RHBG: variants seen among roughly 807,000 people sequenced by gnomAD.
RHBG encodes the protein Rh family B glycoprotein, also known as ammonium transporter Rh type B.
A neutral mutation model predicts 40.1 loss-of-function variants in RHBG; 39 were observed. The observed-to-expected ratio is 0.97, with a 90% CI of 0.75 to 1.27. The LOEUF is 1.27. Among genes scored for constraint, RHBG ranks in the 50% most tolerant of loss-of-function variants. RHBG has a pLI of 0.00. For missense variants in RHBG, 549 were observed against 588.1 expected, an observed-to-expected ratio of 0.93 and a Z score of 0.69; for synonymous variants, 237 against 252.5, an observed-to-expected ratio of 0.94 and a Z score of 0.58.
Position 156,381,869 on chromosome 1 carries a change from C to T in RHBG, c.904C>T (p.Leu302=), listed in dbSNP as rs1667664591. The change falls in exon 6 of 10, where the codon CTG becomes TTG. Residue 302 remains leucine, a synonymous_variant. Transcript: ENST00000537040. ...GGTGGGGACCTCAAGTGAAATGATG[C>T]TGACACCCTTTGGGGCTCTGGCAGC... ...VVVGTSSEMM[L]TPFGALAAGF... is the part of the protein sequence containing the mutation. 4 of 1,602,104 alleles carry T rather than the reference C, an allele frequency of 2.5e-6. No homozygotes were observed. Among genetic ancestry groups the T allele is most frequent in the East Asian group, 2.2e-5 (1 of 44,834 alleles).
rs377295455 is a variant in RHBG, at chr1:156,381,298, G to A, written c.674-49G>A. 100 of 1,593,694 alleles carry A rather than the reference G, an allele frequency of 6.3e-5. No homozygotes were observed. The South Asian group carries it at 6.3e-4, about 10-fold the overall frequency. On this transcript the variant is annotated intron_variant, in intron 4 of 9. Transcript: ENST00000537040. ...TGCAGTTATACAACTTGTACCTTGC[G>A]TGGGAGTCACTTCCTTCTTCTCACT... is the stretch of plus-strand genomic sequence containing the variant.
rs1331050811 is a variant in RHBG at position 156,378,411 on chromosome 1, G to A, written c.673+12G>A. 3.2e-6 allele frequency: 5 copies of A among 1,582,948 alleles called. No individual in the cohort carries two copies. The highest frequency in any genetic ancestry group is 1.2e-5 in the South Asian group (1 of 85,704). The stretch of plus-strand genomic sequence containing the variant: ...CTTCGCCATGATTGGTGAGGCCTTC[G>A]AGGTGCGGTAGCAGGGCAGGGGGCT... On this transcript the variant is annotated intron_variant, in intron 4 of 9. Coordinates refer to ENST00000537040, the MANE Select transcript of RHBG (RefSeq NM_020407.5).
At chr1:156,382,703 T>C in intron 7 of RHBG, 45 bp from the exon 8 acceptor site, 1 of 1,609,834 alleles carries the variant, frequency 6.2e-7, no homozygotes, top group South Asian at 1.1e-5. Flanking sequence ...GCTGCATCCC[T>C]CTCTCTCCCT....
Position 156,385,120 on chromosome 1 carries a change from CA to C in RHBG, c.*278del, listed in dbSNP as rs1052908226. 2.7e-6 allele frequency: 1 copy of C among 371,266 alleles called. No homozygotes were observed. The highest frequency in any genetic ancestry group is 5.0e-6 in the Non-Finnish European group (1 of 200,202). 23.0% of individuals were successfully genotyped at this position (371,266 alleles called of 1,614,324 possible). On this transcript the variant is annotated 3_prime_UTR_variant, in exon 10 of 10. Coordinates refer to ENST00000537040, the MANE Select transcript of RHBG (RefSeq NM_020407.5). ...CAGCCTGCACATGGGTAGAAGAGGC[CA>C]AATTGAGGCACCCAAGTGATCCACT... is the stretch of plus-strand genomic sequence containing the variant.
intron 5 of RHBG, 133 bp downstream of exon 5, chr1:156,381,646 G>A: frequency 1.4e-6 from 2 of 1,380,296 alleles, no homozygotes; most frequent in Middle Eastern, 2.6e-4. Context: ...TGTGCTGGTG[G>A]CTATGGGATC....
chr1:156,385,026 G>A lies in RHBG; in HGVS notation c.*181G>A, dbSNP rs1667951094. 1.8e-6 allele frequency: 1 copy of A among 569,032 alleles called. No homozygotes were observed. Among genetic ancestry groups the A allele is most frequent in the Admixed American group, 3.0e-5 (1 of 33,454 alleles). The allele number at this position is 569,032 out of a possible 1,614,324, so 35.2% of individuals were successfully genotyped here. On this transcript the variant is annotated 3_prime_UTR_variant, in exon 10 of 10. Transcript: ENST00000537040. ...AGGGGCAACAGGAGGCTGGGAAATG[G>A]TGGGGAGTGGGGCCGTAACTGGGTA...
intron 4 of RHBG, among the ~76,000 whole-genome samples, chr1:156,378,779 C>T (rs1055341027): frequency 6.6e-6 from 1 of 152,146 alleles, no homozygotes; most frequent in Non-Finnish European, 1.5e-5. Flanking sequence ...CACCTCCAGG[C>T]CTTTGCCTGT....
intron 4 of RHBG, among the ~76,000 whole-genome samples, chr1:156,379,296 A>G (rs1322760599): frequency 2.0e-5 from 3 of 151,982 alleles, no homozygotes; most frequent in Non-Finnish European, 4.4e-5. Flanking sequence ...ACGCCCGGCT[A>G]CCACCACCTG....
intron 8 of RHBG, 48 bp downstream of exon 8, chr1:156,382,917 G>A (rs1667766034): frequency 1.2e-6 from 2 of 1,611,532 alleles, no homozygotes; most frequent in African/African-American, 2.7e-5. Context: ...GATCCTATAA[G>A]CCTGACATGA....
At position 156,377,560 on chromosome 1, in the gene RHBG, C is replaced by A. The variant is rs1401834269; in HGVS notation, c.374+73C>A. The A allele has an allele frequency of 2.0e-6, 3 of 1,470,548 alleles. No homozygotes were observed. The highest frequency in any genetic ancestry group is 1.8e-6 in the Non-Finnish European group (2 of 1,083,324). The allele number at this position is 1,470,548 out of a possible 1,614,324, so 91.1% of individuals were successfully genotyped here. On this transcript the variant is annotated intron_variant, in intron 2 of 9. Coordinates refer to ENST00000537040, the MANE Select transcript of RHBG (RefSeq NM_020407.5). The surrounding 1 kb of genome is among the most constrained non-coding windows in gnomAD (Gnocchi z 4.6). ...CCCTGCCCATGGGCCCCGGATCTAG[C>A]CCTGTCCTTCAAGTCTGCTTCCTGA...
rs1454023084 is a variant in RHBG at position 156,384,947 on chromosome 1, G to A, written c.*102G>A. 2 of 739,224 alleles carry A rather than the reference G, an allele frequency of 2.7e-6. No individual in the cohort carries two copies. The highest frequency in any genetic ancestry group is 2.7e-5 in the East Asian group (1 of 36,526). 45.8% of individuals were successfully genotyped at this position (739,224 alleles called of 1,614,324 possible). On this transcript the variant is annotated 3_prime_UTR_variant, in exon 10 of 10. Transcript: ENST00000537040. ...CTCCCATTCCTCCAGCTGCAAGAAGGGAGCCATGAGCCAGAAGGAGGCCCC... is the reference window on the plus strand; with the variant it reads ...CTCCCATTCCTCCAGCTGCAAGAAGAGAGCCATGAGCCAGAAGGAGGCCCC...
Position 156,384,926 on chromosome 1 carries a change from C to T in RHBG, c.*81C>T, listed in dbSNP as rs1667944584. The T allele has an allele frequency of 3.4e-6, 3 of 878,146 alleles. No individual in the cohort carries two copies. Among genetic ancestry groups the T allele is most frequent in the Non-Finnish European group, 5.4e-6 (3 of 552,090 alleles). The allele number at this position is 878,146 out of a possible 1,614,324, so 54.4% of individuals were successfully genotyped here. ...TACTAGGAAGTTCTTTTTGAGCTCC[C>T]ATTCCTCCAGCTGCAAGAAGGGAGC... On this transcript the variant is annotated 3_prime_UTR_variant, in exon 10 of 10. Coordinates refer to ENST00000537040, the MANE Select transcript of RHBG (RefSeq NM_020407.5).
chr1:156,383,706 T>C (rs1160326443), intron 8 of RHBG, among the ~76,000 whole-genome samples: 1 of 151,728 alleles, frequency 6.6e-6, no homozygotes, highest in Non-Finnish European at 1.5e-5. Context: ...ATTTTGTATT[T>C]TTAGTAGAGA....
Position 156,384,893 on chromosome 1 carries a change from C to A in RHBG, c.*48C>A. On this transcript the variant is annotated 3_prime_UTR_variant, in exon 10 of 10. Transcript: ENST00000537040. ...ACACGCTCCTTTTCGAAGATGCTGA[C>A]TGGCTGCTACTAGGAAGTTCTTTTT... 2.4e-6 allele frequency: 3 copies of A among 1,247,362 alleles called. No individual in the cohort carries two copies. Among genetic ancestry groups the A allele is most frequent in the Non-Finnish European group, 2.3e-6 (2 of 868,106 alleles). The allele number at this position is 1,247,362 out of a possible 1,614,324, so 77.3% of individuals were successfully genotyped here. A position where few individuals can be genotyped will look rare whatever the true frequency, so the allele number is the denominator to read the frequency against.
chr1:156,378,318 C>T lies in RHBG; in HGVS notation c.592C>T (p.Arg198Trp), dbSNP rs368582633. The T allele has an allele frequency of 2.1e-5, 34 of 1,613,924 alleles. No homozygotes were observed. The highest frequency in any genetic ancestry group is 5.0e-5 in the Admixed American group (3 of 59,998). Residue 198 changes from arginine to tryptophan, a missense_variant, in exon 4 of 10, where the codon CGG (arginine) becomes TGG (tryptophan). Physicochemically the swap from Arg to Trp is moderately radical, Grantham distance 101. This residue lies in a region of RHBG where 399 missense variants were observed against 417.0 expected (regional missense o/e 0.96). Coordinates refer to ENST00000537040, the MANE Select transcript of RHBG (RefSeq NM_020407.5). ...TGCCTACTTCGGGCTCGTCCTTTCG[C>T]GGGTTCTGTACAGGCCCCAGCTGGA... ...FGAYFGLVLS[R>W]VLYRPQLEKS...
At chr1:156,373,529 C>T (rs1202310755) in intron 1 of RHBG, among the ~76,000 whole-genome samples, 1 of 152,118 alleles carries the variant, frequency 6.6e-6, no homozygotes, top group African/African-American at 2.4e-5. Context: ...TGAGAGGTTG[C>T]CTTATTTCTT....
chr1:156,382,708 C>T (rs1177700943), intron 7 of RHBG, 40 bp from the exon 8 acceptor site: 2 of 1,612,158 alleles, frequency 1.2e-6, no homozygotes, highest in Admixed American at 1.7e-5. Context: ...ATCCCTCTCT[C>T]TCCCTACCCC....
intron 1 of RHBG, chr1:156,371,164 CTTTTT>C: frequency 5.1e-6 from 2 of 388,790 alleles, no homozygotes; most frequent in Admixed American, 3.2e-5. Context: ...TATTTTCTTT[CTTTTT>C]TTTTTTTTTT....
intron 5 of RHBG, 137 bp downstream of exon 5, chr1:156,381,650 T>C (rs1420357966): frequency 7.2e-7 from 1 of 1,381,050 alleles, no homozygotes; most frequent in Non-Finnish European, 9.9e-7. Context: ...CTGGTGGCTA[T>C]GGGATCAGAA....
Sources: allele counts gnomAD v4.1 joint callset (sites outside exome capture counted in the v4.1 genomes callset), GRCh38; gene constraint gnomAD v4.1.1; regional missense constraint gnomAD v4.1.1; non-coding constraint Gnocchi (gnomAD v3.1); transcripts MANE v1.5; gene names NCBI Gene and HGNC (gene_info 2026-07-23, HGNC 2026-07-21).